KATNAL1: variants seen among roughly 807,000 people sequenced by gnomAD.
The protein encoded by KATNAL1 is katanin catalytic subunit A1 like 1, also known as katanin p60 ATPase-containing subunit A-like 1.
KATNAL1 carries 32 observed loss-of-function variants against 55.2 expected under a neutral mutation model. The observed-to-expected ratio is 0.58, with a 90% CI of 0.44 to 0.78. The LOEUF is 0.78. Ranked by LOEUF, KATNAL1 falls within the 30% of genes least tolerant of loss-of-function variation. KATNAL1 has a pLI of 0.00. For synonymous variants in KATNAL1, 193 were observed against 193.6 expected, an observed-to-expected ratio of 1.00 and a Z score of 0.02; for missense variants, 466 against 600.9, an observed-to-expected ratio of 0.78 and a Z score of 2.35.
intron 1 of KATNAL1, among the ~76,000 whole-genome samples, chr13:30,291,104 G>A (rs1201556185): frequency 1.3e-5 from 2 of 152,122 alleles, no homozygotes; most frequent in Non-Finnish European, 2.9e-5. Context: ...AGTGCAATAA[G>A]GCGATACAAA....
chr13:30,231,433 T>C lies in KATNAL1; in HGVS notation c.766A>G (p.Met256Val), dbSNP rs758598047. ...TCAGTGGCAACAGCTTTAGCTAGCA[T>C]AGTTTTACCAGTGCCTGGGGGTCCA... is the stretch of plus-strand genomic sequence containing the variant. Reference protein sequence around the residue: ...MVGPPGTGKTMLAKAVATECG... With the variant: ...MVGPPGTGKTVLAKAVATECG... The change falls in exon 7 of 11, where the codon ATG (methionine) becomes GTG (valine). Residue 256 changes from methionine (M) to valine (V), a missense_variant. By Grantham distance (21) the Met-to-Val change is conservative. This residue lies in a region of KATNAL1 where 213 missense variants were observed against 308.6 expected (regional missense o/e 0.69). Transcript: ENST00000380615. The C allele has an allele frequency of 8.8e-6, 14 of 1,594,586 alleles. No individual in the cohort carries two copies. The African/African-American group carries it at 1.1e-4, about 12-fold the overall frequency.
intron 1 of KATNAL1, chr13:30,296,877 G>A: frequency 2.9e-6 from 1 of 346,136 alleles, no homozygotes; most frequent in Non-Finnish European, 5.7e-6. Flanking sequence ...GACCCTGGAG[G>A]GCTAGGCCAA....
At chr13:30,257,784 A>G (rs1051093814) in intron 3 of KATNAL1, among the ~76,000 whole-genome samples, 8 of 152,208 alleles carry the variant, frequency 5.3e-5, no homozygotes, top group Non-Finnish European at 1.2e-4. Context: ...GAAACTGCTC[A>G]AGAAGCCAGA....
In KATNAL1 at chr13:30,204,811, T is replaced by C. The variant is rs1234212636; in HGVS notation, c.*3729A>G. 6.6e-6 allele frequency: 1 copy of C among 152,130 alleles called. No homozygotes were observed. Among genetic ancestry groups the C allele is most frequent in the Non-Finnish European group, 1.5e-5 (1 of 68,024 alleles). 9.4% of individuals were successfully genotyped at this position (152,130 alleles called of 1,614,324 possible). On this transcript the variant is annotated 3_prime_UTR_variant, in exon 11 of 11. Coordinates refer to ENST00000380615, the MANE Select transcript of KATNAL1 (RefSeq NM_032116.5). ...GAAATTAAGCCCTGAGCTATACAGC[T>C]AGACCACCGCATGTTTTCCCCTTCC...
intron 2 of KATNAL1, among the ~76,000 whole-genome samples, chr13:30,283,292 G>GAAA (rs1491096718): frequency 3.6e-5 from 3 of 83,388 alleles, no homozygotes; most frequent in Non-Finnish European, 6.2e-5. Context: ...AAAAAAAAAA[G>GAAA]GAATGAATGA....
intron 3 of KATNAL1, among the ~76,000 whole-genome samples, chr13:30,271,878 GAAAA>G (rs71299873): frequency 2.1e-4 from 16 of 76,792 alleles, no homozygotes; most frequent in African/African-American, 8.2e-4. Context: ...AAGAAAAGAG[GAAAA>G]AAAAAAAAAA....
chr13:30,261,910 T>C (rs1879318498), intron 3 of KATNAL1, among the ~76,000 whole-genome samples: 1 of 152,012 alleles, frequency 6.6e-6, no homozygotes, highest in African/African-American at 2.4e-5. Flanking sequence ...ATCAACAGAA[T>C]ATACATTTTT....
intron 1 of KATNAL1, among the ~76,000 whole-genome samples, chr13:30,285,398 T>C (rs1160280209): frequency 6.6e-6 from 1 of 152,180 alleles, no homozygotes; most frequent in East Asian, 1.9e-4. Flanking sequence ...GTTCTTGTGA[T>C]AATGAGTAAG....
At chr13:30,296,326 C>T in intron 1 of KATNAL1, 1 of 1,160,302 alleles carries the variant, frequency 8.6e-7, no homozygotes, top group Non-Finnish European at 1.3e-6. Flanking sequence ...CAGTCAGCAG[C>T]CATGCCGAGG....
intron 2 of KATNAL1, among the ~76,000 whole-genome samples, chr13:30,283,277 AAAAAAAAAAAAAAAG>A (rs1469153339): frequency 6.7e-6 from 1 of 149,996 alleles, no homozygotes; most frequent in Non-Finnish European, 1.5e-5. Flanking sequence ...AAAAAAAAAA[AAAAAAAAAAAAAAAG>A]GAATGAATGA....
At chr13:30,277,643 T>A (rs1302133423) in intron 3 of KATNAL1, among the ~76,000 whole-genome samples, 2 of 152,230 alleles carry the variant, frequency 1.3e-5, no homozygotes, top group African/African-American at 4.8e-5. Context: ...AATCTGAATA[T>A]TTATTTTATC....
At chr13:30,227,581 T>C (rs753606550) in intron 8 of KATNAL1, 35 bp from the exon 9 acceptor site, 1 of 1,581,162 alleles carries the variant, frequency 6.3e-7, no homozygotes, top group Non-Finnish European at 8.6e-7. Flanking sequence ...ATAGTGTTTT[T>C]CTTACAACTC....
chr13:30,233,221 A>G (rs1009013147), intron 6 of KATNAL1, among the ~76,000 whole-genome samples: 1 of 152,246 alleles, frequency 6.6e-6, no homozygotes, highest in African/African-American at 2.4e-5. Flanking sequence ...ACAAGGGATT[A>G]GTAACCAGAA....
rs11348486 is a variant in KATNAL1, at chr13:30,255,620, C to CAAAAAA, written c.324-11_324-6dup. 8 of 1,084,032 alleles carry CAAAAAA rather than the reference C, an allele frequency of 7.4e-6. No individual in the cohort carries two copies. The highest frequency in any genetic ancestry group is 8.0e-6 in the Non-Finnish European group (7 of 871,634). 67.2% of individuals were successfully genotyped at this position (1,084,032 alleles called of 1,614,324 possible). ...CGCCTGATCTGAGGTGGAGCTCTGA[C>CAAAAAA]AAAAAAAAAAAAAAAAAAATTAAAA... is the stretch of plus-strand genomic sequence containing the variant. On this transcript the variant is annotated splice_polypyrimidine_tract_variant and splice_region_variant and intron_variant, in intron 3 of 10. Transcript: ENST00000380615.
intron 1 of KATNAL1, among the ~76,000 whole-genome samples, chr13:30,284,442 T>C (rs915506038): frequency 3.3e-5 from 5 of 152,128 alleles, no homozygotes; most frequent in African/African-American, 1.2e-4. Context: ...ATAAAAAATA[T>C]GAATATCACA....
In KATNAL1 at chr13:30,208,702, A is replaced by G; in HGVS notation, c.1311T>C (p.Asn437=). Residue 437 remains asparagine (N), a synonymous_variant, in exon 11 of 11, where the codon AAT becomes AAC. Coordinates refer to ENST00000380615, the MANE Select transcript of KATNAL1 (RefSeq NM_032116.5). The part of the protein sequence containing the change: ...ASLMAMRRRI[N]GLSPEEIRAL... ...CACGGATTTCTTCTGGACTTAAGCCATTGATACGCCGTCTCATTGCCATTA... is the reference window on the plus strand; with the variant it reads ...CACGGATTTCTTCTGGACTTAAGCCGTTGATACGCCGTCTCATTGCCATTA... The G allele has an allele frequency of 1.2e-6, 2 of 1,613,440 alleles. No individual in the cohort carries two copies. The highest frequency in any genetic ancestry group is 4.5e-5 in the East Asian group (2 of 44,850).
chr13:30,246,636 C>G (rs1366391202), intron 4 of KATNAL1, among the ~76,000 whole-genome samples: 3 of 152,192 alleles, frequency 2.0e-5, no homozygotes, highest in African/African-American at 7.2e-5. Context: ...TTTTTGCAAT[C>G]TATCCATCTG....
intron 9 of KATNAL1, among the ~76,000 whole-genome samples, chr13:30,219,150 A>T (rs1436429521): frequency 6.6e-6 from 1 of 152,204 alleles, no homozygotes; most frequent in Non-Finnish European, 1.5e-5. Context: ...TGTTCATAAA[A>T]TGTCCAATTT....
chr13:30,215,448 T>A (rs1176663315), intron 9 of KATNAL1, among the ~76,000 whole-genome samples: 1 of 152,246 alleles, frequency 6.6e-6, no homozygotes, highest in East Asian at 1.9e-4. Context: ...GGACTATAAA[T>A]CATGCTGCTA....
Sources: gnomAD v4.1 joint callset for allele counts (sites outside exome capture counted in the v4.1 genomes callset) on GRCh38, gnomAD v4.1.1 for gene constraint, gnomAD v4.1.1 regional missense constraint, MANE v1.5 for transcripts, NCBI Gene and HGNC (gene_info 2026-07-23, HGNC 2026-07-21) for gene names.